GALNT10: variants seen among roughly 807,000 people sequenced by gnomAD.
The protein encoded by GALNT10 is polypeptide N-acetylgalactosaminyltransferase 10, also known as GalNAc transferase 10.
Under a neutral mutation model 75.0 loss-of-function variants are expected in GALNT10, and 41 were observed. The ratio of observed to expected loss-of-function variants is 0.55; its 90% confidence interval spans 0.43 to 0.71. The LOEUF (loss-of-function observed/expected upper bound fraction) is 0.71, where lower values mean the gene tolerates loss of function less well. Ranked by LOEUF, GALNT10 falls within the 30% of genes least tolerant of loss-of-function variation. The pLI, the probability that GALNT10 is intolerant of heterozygous loss-of-function variation, is 0.00. For missense variants in GALNT10, 727 were observed against 818.5 expected (o/e 0.89, Z 1.36); for synonymous variants, 302 against 313.0 (o/e 0.96, Z 0.37).
rs1774850025 is a variant in GALNT10, at chr5:154,190,973, C to T, written c.107C>T (p.Pro36Leu). The T allele has an allele frequency of 6.6e-7, 1 of 1,507,164 alleles. No homozygotes were observed. Among genetic ancestry groups the T allele is most frequent in the Non-Finnish European group, 8.9e-7 (1 of 1,129,234 alleles). The allele number at this position is 1,507,164 out of a possible 1,614,324, so 93.4% of individuals were successfully genotyped here. A position where few individuals can be genotyped will look rare whatever the true frequency, so the allele number is the denominator to read the frequency against. Reference protein sequence around the residue: ...GLWALYRERQPDGTPGGSGAA... With the variant: ...GLWALYRERQLDGTPGGSGAA... ...TGGGCGCTGTACCGCGAGCGGCAGC[C>T]CGACGGCACCCCTGGGGGATCGGGG... The change falls in exon 1 of 12, where the codon CCC becomes CTC. Residue 36 changes from proline to leucine, a missense_variant. Coordinates refer to ENST00000297107, the MANE Select transcript of GALNT10 (RefSeq NM_198321.4).
intron 1 of GALNT10, among the ~76,000 whole-genome samples, chr5:154,246,181 G>A (rs1285299061): frequency 2.0e-5 from 3 of 151,960 alleles, no homozygotes; most frequent in South Asian, 2.1e-4. Context: ...GTGTATATGT[G>A]CCACATTTTC....
intron 4 of GALNT10, among the ~76,000 whole-genome samples, chr5:154,345,509 T>C (rs1441619214): frequency 6.6e-6 from 1 of 152,114 alleles, no homozygotes; most frequent in East Asian, 1.9e-4. Context: ...GAGTTCAACT[T>C]TTTTTAGATT....
At chr5:154,379,880 A>G (rs1168859857) in intron 5 of GALNT10, among the ~76,000 whole-genome samples, 1 of 152,142 alleles carries the variant, frequency 6.6e-6, no homozygotes, top group African/African-American at 2.4e-5. Flanking sequence ...TGATTGAAAG[A>G]GTTGAGCTGA....
At chr5:154,200,054 C>T (rs1775002664) in intron 1 of GALNT10, among the ~76,000 whole-genome samples, 1 of 152,190 alleles carries the variant, frequency 6.6e-6, no homozygotes, top group Non-Finnish European at 1.5e-5. Flanking sequence ...GGTATCTGCG[C>T]CAGCCACTGA....
At chr5:154,306,752 T>C (rs1433736117) in intron 3 of GALNT10, among the ~76,000 whole-genome samples, 1 of 151,602 alleles carries the variant, frequency 6.6e-6, no homozygotes, top group Non-Finnish European at 1.5e-5. Context: ...CAAAAAAAAC[T>C]TAGGAGAAAT....
chr5:154,205,992 A>G (rs914301410), intron 1 of GALNT10, among the ~76,000 whole-genome samples: 15 of 152,228 alleles, frequency 9.9e-5, no homozygotes, highest in Admixed American at 1.3e-4. Context: ...GAACTAATAC[A>G]TGGACCATTT....
intron 7 of GALNT10, among the ~76,000 whole-genome samples, chr5:154,390,131 CAA>C (rs1443918303): frequency 6.6e-6 from 1 of 152,164 alleles, no homozygotes; most frequent in Non-Finnish European, 1.5e-5. Flanking sequence ...CTTCGTGAAA[CAA>C]AGTGGCAAAT....
rs1756551438 is a variant in GALNT10 at position 154,418,043 on chromosome 5, G to T, written c.*1071G>T. 1 of 152,188 alleles carries T rather than the reference G, an allele frequency of 6.6e-6. No individual in the cohort carries two copies. The highest frequency in any genetic ancestry group is 2.4e-5 in the African/African-American group (1 of 41,440). The allele number at this position is 152,188 out of a possible 1,614,324, so 9.4% of individuals were successfully genotyped here. A position where few individuals can be genotyped will look rare whatever the true frequency, so the allele number is the denominator to read the frequency against. ...ACTCTATAATTGGATTGCAAACTAG[G>T]ATGCTACATAGGATTCTGGTATTCC... On this transcript the variant is annotated 3_prime_UTR_variant, in exon 12 of 12. Transcript: ENST00000297107.
At chr5:154,368,498 G>A (rs922651424) in intron 4 of GALNT10, among the ~76,000 whole-genome samples, 13 of 152,158 alleles carry the variant, frequency 8.5e-5, no homozygotes, top group Admixed American at 5.2e-4. Flanking sequence ...AGAAATGGCC[G>A]GCTTTCCAAG....
intron 3 of GALNT10, among the ~76,000 whole-genome samples, chr5:154,321,930 C>A (rs1404156648): frequency 6.6e-6 from 1 of 152,184 alleles, no homozygotes; most frequent in Non-Finnish European, 1.5e-5. Flanking sequence ...TGTATGGAAT[C>A]TTCCACTTTT....
chr5:154,196,016 AG>A (rs1187296554), intron 1 of GALNT10, among the ~76,000 whole-genome samples: 1 of 152,012 alleles, frequency 6.6e-6, no homozygotes. Context: ...TCCACCTCCC[AG>A]GTTCAAGTGA....
intron 7 of GALNT10, among the ~76,000 whole-genome samples, chr5:154,391,536 C>A (rs1463615313): frequency 6.6e-6 from 1 of 152,230 alleles, no homozygotes; most frequent in African/African-American, 2.4e-5. Context: ...AGTGGTTGGA[C>A]AAGTCTTTAA....
chr5:154,213,829 T>A (rs1752819547), intron 1 of GALNT10, among the ~76,000 whole-genome samples: 1 of 152,204 alleles, frequency 6.6e-6, no homozygotes, highest in Non-Finnish European at 1.5e-5. Flanking sequence ...GTGATCCTCC[T>A]GTCCTGGCCT....
chr5:154,325,168 C>T (rs1376896008), intron 3 of GALNT10, among the ~76,000 whole-genome samples: 1 of 66,240 alleles, frequency 1.5e-5, no homozygotes, highest in African/African-American at 4.7e-5. Flanking sequence ...AGTTGGTGGC[C>T]TAACCGTGCC....
chr5:154,335,899 G>A (rs1754938664), intron 4 of GALNT10, among the ~76,000 whole-genome samples: 1 of 152,186 alleles, frequency 6.6e-6, no homozygotes, highest in South Asian at 2.1e-4. Flanking sequence ...TTGGACAAGT[G>A]TAAAATGACA....
chr5:154,262,861 G>T (rs1753719776), intron 1 of GALNT10, among the ~76,000 whole-genome samples: 1 of 152,006 alleles, frequency 6.6e-6, no homozygotes, highest in Non-Finnish European at 1.5e-5. Flanking sequence ...ATCAGGAAAG[G>T]CAAAAGAAGA....
At chr5:154,381,508 G>A (rs139137557) in intron 6 of GALNT10, among the ~76,000 whole-genome samples, 29 of 152,336 alleles carry the variant, frequency 1.9e-4, no homozygotes, top group African/African-American at 4.6e-4. Flanking sequence ...AAGCTCTCCC[G>A]CTGTATTAGT....
chr5:154,198,220 G>A (rs1219916425), intron 1 of GALNT10, among the ~76,000 whole-genome samples: 1 of 152,194 alleles, frequency 6.6e-6, no homozygotes, highest in Non-Finnish European at 1.5e-5. Context: ...CGAGGCTTGG[G>A]CAAGCTTGAC....
At chr5:154,262,207 G>T (rs894239978) in intron 1 of GALNT10, among the ~76,000 whole-genome samples, 1 of 152,032 alleles carries the variant, frequency 6.6e-6, no homozygotes, top group African/African-American at 2.4e-5. Context: ...CCTTTCTCCC[G>T]CATTGTAGAT....
Sources: gnomAD v4.1 joint callset for allele counts (sites outside exome capture counted in the v4.1 genomes callset) on GRCh38, gnomAD v4.1.1 for gene constraint, MANE v1.5 for transcripts, NCBI Gene and HGNC (gene_info 2026-07-23, HGNC 2026-07-21) for gene names.